GRM3: variants seen among roughly 807,000 people sequenced by gnomAD.
The protein encoded by GRM3 is glutamate metabotropic receptor 3.
Under a neutral mutation model 70.5 loss-of-function variants are expected in GRM3, and 26 were observed. The observed-to-expected ratio is 0.37, with a 90% confidence interval of 0.27 to 0.51. The LOEUF (loss-of-function observed/expected upper bound fraction) is 0.51, where lower values mean the gene tolerates loss of function less well. Among genes scored for constraint, GRM3 ranks in the 20% least tolerant of loss-of-function variants. The pLI is 0.93. For missense variants in GRM3, 859 were observed against 1,123.8 expected, an observed-to-expected ratio of 0.76 and a Z score of 3.37; for synonymous variants, 443 against 434.9, an observed-to-expected ratio of 1.02 and a Z score of -0.23.
intron 2 of GRM3, among the ~76,000 whole-genome samples, chr7:86,772,366 A>T (rs867906686): frequency 1.5e-4 from 23 of 152,092 alleles, no homozygotes; most frequent in African/African-American, 5.1e-4. Context: ...AGAAATAAGC[A>T]TTTCTCTGCA....
intron 1 of GRM3, among the ~76,000 whole-genome samples, chr7:86,682,860 G>A (rs1794474796): frequency 1.3e-5 from 2 of 152,120 alleles, no homozygotes; most frequent in African/African-American, 4.8e-5. Flanking sequence ...GAACAGAAAA[G>A]CACAATTCAA....
intron 3 of GRM3, among the ~76,000 whole-genome samples, chr7:86,818,871 C>T (rs1374853733): frequency 1.3e-5 from 2 of 152,032 alleles, no homozygotes; most frequent in African/African-American, 4.8e-5. Flanking sequence ...CGATGTGGGC[C>T]AATTTCCTGG....
intron 4 of GRM3, among the ~76,000 whole-genome samples, chr7:86,844,657 A>G (rs1346492197): frequency 6.6e-6 from 1 of 152,152 alleles, no homozygotes; most frequent in African/African-American, 2.4e-5. Flanking sequence ...CTGGGGTCAG[A>G]ACCATCCCAT....
At chr7:86,749,273 C>T (rs759037899) in intron 1 of GRM3, among the ~76,000 whole-genome samples, 1 of 151,932 alleles carries the variant, frequency 6.6e-6, no homozygotes, top group African/African-American at 2.4e-5. Context: ...TGTGCCCCAC[C>T]ACAGGTCCTA....
chr7:86,667,872 C>T (rs1039789591), intron 1 of GRM3, among the ~76,000 whole-genome samples: 4 of 152,098 alleles, frequency 2.6e-5, no homozygotes, highest in Non-Finnish European at 4.4e-5. Flanking sequence ...ACCTACCAAA[C>T]CTTCTAGTCA....
intron 5 of GRM3, among the ~76,000 whole-genome samples, chr7:86,855,409 C>G (rs1798827783): frequency 6.6e-6 from 1 of 152,154 alleles, no homozygotes; most frequent in African/African-American, 2.4e-5. Flanking sequence ...AGACTTGGTC[C>G]TATAAGGATA....
intron 1 of GRM3, among the ~76,000 whole-genome samples, chr7:86,665,115 C>T (rs1253701423): frequency 2.0e-5 from 3 of 151,980 alleles, no homozygotes; most frequent in Non-Finnish European, 4.4e-5. Context: ...CTATTACCTG[C>T]TACATGAAGA....
In GRM3 at chr7:86,746,461, A is replaced by G. The variant is rs1704302140; in HGVS notation, c.-140-18545A>G. Among the ~76,000 whole-genome samples, 4 of 148,836 alleles carry G rather than the reference A, an allele frequency of 2.7e-5. No individual in the cohort carries two copies. The South Asian group carries it at 8.6e-4, about 32-fold the overall frequency. ...TGGATAGACTGCTAGAATTCCAGAA[A>G]TATTTGTCAATACTGAACTTAGAAT... On this transcript the variant is annotated intron_variant, in intron 1 of 5. Transcript: ENST00000361669.
chr7:86,693,210 A>G (rs1267705368), intron 1 of GRM3, among the ~76,000 whole-genome samples: 1 of 152,212 alleles, frequency 6.6e-6, no homozygotes, highest in African/African-American at 2.4e-5. Flanking sequence ...TTTAATCCCA[A>G]TCAAAACCCT....
In GRM3 at chr7:86,839,606, G is replaced by A. The variant is rs2116738203; in HGVS notation, c.2092G>A (p.Val698Met). The change falls in exon 4 of 6, where the codon GTG (valine) becomes ATG (methionine). Residue 698 changes from valine (V) to methionine (M), a missense_variant. Coordinates refer to ENST00000361669, the MANE Select transcript of GRM3 (RefSeq NM_000840.3). The surrounding 1 kb of genome is among the most constrained non-coding windows in gnomAD (Gnocchi z 4.5). ...TTTCATCTGCCTGGGTCTGATCCTGGTGCAAATTGTGATGGTGTCTGTGTG... is the reference window on the plus strand; with the variant it reads ...TTTCATCTGCCTGGGTCTGATCCTGATGCAAATTGTGATGGTGTCTGTGTG... ...QVFICLGLIL[V>M]QIVMVSVWLI... 1.2e-6 allele frequency: 2 copies of A among 1,613,924 alleles called. No individual in the cohort carries two copies. The highest frequency in any genetic ancestry group is 1.7e-6 in the Non-Finnish European group (2 of 1,179,950).
chr7:86,708,824 T>A (rs1388892510), intron 1 of GRM3, among the ~76,000 whole-genome samples: 2 of 152,068 alleles, frequency 1.3e-5, no homozygotes, highest in Non-Finnish European at 2.9e-5. Flanking sequence ...AGCATACCTT[T>A]AAAGTTTAAA....
intron 4 of GRM3, among the ~76,000 whole-genome samples, chr7:86,843,288 G>A (rs1798592439): frequency 1.3e-5 from 2 of 152,188 alleles, no homozygotes; most frequent in East Asian, 3.9e-4. Flanking sequence ...TTCCCAGGTG[G>A]CACAGTTATG....
intron 3 of GRM3, among the ~76,000 whole-genome samples, chr7:86,826,020 A>G (rs1798226456): frequency 6.6e-6 from 1 of 152,204 alleles, no homozygotes; most frequent in Admixed American, 6.5e-5. Flanking sequence ...TAAAAAAGTC[A>G]TGGATATGCA....
At chr7:86,794,237 C>A (rs978955514) in intron 3 of GRM3, among the ~76,000 whole-genome samples, 4 of 152,116 alleles carry the variant, frequency 2.6e-5, no homozygotes, top group Non-Finnish European at 5.9e-5. Context: ...TTTTCCACTT[C>A]TGTATACCTT....
At chr7:86,692,628 T>C (rs1283566975) in intron 1 of GRM3, among the ~76,000 whole-genome samples, 1 of 152,240 alleles carries the variant, frequency 6.6e-6, no homozygotes, top group Non-Finnish European at 1.5e-5. Flanking sequence ...TTTATGTGTC[T>C]ACTTGTTTTT....
intron 3 of GRM3, among the ~76,000 whole-genome samples, chr7:86,789,150 C>G (rs950437535): frequency 1.3e-5 from 2 of 152,174 alleles, no homozygotes; most frequent in Non-Finnish European, 2.9e-5. Context: ...GCTATTTTAG[C>G]CTTCTCAATT....
chr7:86,747,619 G>C (rs1796135732), intron 1 of GRM3, among the ~76,000 whole-genome samples: 1 of 151,988 alleles, frequency 6.6e-6, no homozygotes, highest in Admixed American at 6.6e-5. Context: ...GACTCAATTG[G>C]GATACCTTGG....
chr7:86,677,639 CT>C (rs1794339766), intron 1 of GRM3, among the ~76,000 whole-genome samples: 1 of 151,926 alleles, frequency 6.6e-6, no homozygotes, highest in South Asian at 2.1e-4. Flanking sequence ...AATTTTCAGT[CT>C]GGCTAAGAAG....
At chr7:86,825,121 T>G (rs1281667459) in intron 3 of GRM3, among the ~76,000 whole-genome samples, 2 of 152,208 alleles carry the variant, frequency 1.3e-5, no homozygotes, top group African/African-American at 2.4e-5. Context: ...GCCCTCCACC[T>G]TCTAGTATAC....
Sources: allele counts gnomAD v4.1 joint callset (sites outside exome capture counted in the v4.1 genomes callset), GRCh38; gene constraint gnomAD v4.1.1; non-coding constraint Gnocchi (gnomAD v3.1); transcripts MANE v1.5; gene names NCBI Gene and HGNC (gene_info 2026-07-23, HGNC 2026-07-21).